Variants in PRKG1 observed in about 807,000 individuals in gnomAD.
PRKG1 encodes cGMP-dependent protein kinase 1.
In PRKG1, 35 loss-of-function variants were observed where a neutral mutation model predicts 88.1. That is an observed-to-expected ratio of 0.40 (90% CI 0.30 to 0.53). PRKG1 has a LOEUF of 0.53. Among genes scored for constraint, PRKG1 ranks in the 20% least tolerant of loss-of-function variants. The pLI, the probability that PRKG1 is intolerant of heterozygous loss-of-function variation, is 0.59. For synonymous variants in PRKG1, 303 were observed against 292.5 expected, an observed-to-expected ratio of 1.04 and a Z score of -0.37; for missense variants, 540 against 839.8, an observed-to-expected ratio of 0.64 and a Z score of 4.41.
chr10:51,660,993 C>A (rs1369024934), intron 3 of PRKG1, among the ~76,000 whole-genome samples: 1 of 151,446 alleles, frequency 6.6e-6, no homozygotes, highest in Admixed American at 6.6e-5. Context: ...ATATTAGAAT[C>A]CAAATGAGCC....
At chr10:51,051,880 G>A (rs1331402339) in intron 1 of PRKG1, among the ~76,000 whole-genome samples, 1 of 152,106 alleles carries the variant, frequency 6.6e-6, no homozygotes, top group East Asian at 1.9e-4. Flanking sequence ...AATCGATTCA[G>A]GATGATAATA....
intron 3 of PRKG1, among the ~76,000 whole-genome samples, chr10:51,533,647 C>T (rs942811103): frequency 6.9e-6 from 1 of 145,326 alleles, no homozygotes; most frequent in Non-Finnish European, 1.5e-5. Context: ...AGTTTTCAAA[C>T]ATTTACCACT....
chr10:52,038,074 T>C (rs1025935664), intron 5 of PRKG1, among the ~76,000 whole-genome samples: 2 of 152,158 alleles, frequency 1.3e-5, no homozygotes, highest in Non-Finnish European at 2.9e-5. Context: ...CAAAGTGCCA[T>C]TTTCTGGCTA....
At chr10:51,861,761 AT>A (rs1840879494) in intron 4 of PRKG1, among the ~76,000 whole-genome samples, 1 of 152,194 alleles carries the variant, frequency 6.6e-6, no homozygotes, top group Non-Finnish European at 1.5e-5. Context: ...TCAATTATAA[AT>A]TTACACAAAA....
intron 2 of PRKG1, among the ~76,000 whole-genome samples, chr10:51,274,131 G>A (rs1213648209): frequency 6.6e-6 from 1 of 152,070 alleles, no homozygotes; most frequent in Non-Finnish European, 1.5e-5. Context: ...CACCTTCCTG[G>A]TGTCATAATT....
chr10:52,194,262 C>T (rs536969508), intron 9 of PRKG1, among the ~76,000 whole-genome samples: 19 of 152,206 alleles, frequency 1.2e-4, no homozygotes, highest in South Asian at 4.1e-4. Flanking sequence ...ATTTATTAGG[C>T]CACTGCACAT....
intron 2 of PRKG1, among the ~76,000 whole-genome samples, chr10:51,154,330 G>A (rs1161305219): frequency 6.6e-6 from 1 of 151,822 alleles, no homozygotes; most frequent in Non-Finnish European, 1.5e-5. Flanking sequence ...TTGTCACAAA[G>A]GGGGTGATGT....
chr10:52,003,135 A>G (rs1844643290), intron 5 of PRKG1, among the ~76,000 whole-genome samples: 1 of 152,132 alleles, frequency 6.6e-6, no homozygotes, highest in African/African-American at 2.4e-5. Context: ...TTTATGACCA[A>G]ACTACACTGT....
chr10:51,485,970 A>G (rs1262495083), intron 3 of PRKG1, among the ~76,000 whole-genome samples: 2 of 152,176 alleles, frequency 1.3e-5, no homozygotes, highest in African/African-American at 4.8e-5. Flanking sequence ...GTCTCTTTTC[A>G]TCTCTTCATT....
At chr10:51,836,779 C>T (rs1465556329) in intron 4 of PRKG1, among the ~76,000 whole-genome samples, 1 of 152,026 alleles carries the variant, frequency 6.6e-6, no homozygotes, top group African/African-American at 2.4e-5. Flanking sequence ...AGAAGAAAAA[C>T]ATAAGTCTTT....
At chr10:52,265,461 T>G (rs1005821695) in intron 10 of PRKG1, among the ~76,000 whole-genome samples, 2 of 152,064 alleles carry the variant, frequency 1.3e-5, no homozygotes, top group African/African-American at 4.8e-5. Flanking sequence ...CAGTGCAAAA[T>G]AAGCTACGAG....
In PRKG1 at chr10:51,068,987, T is replaced by C. The variant is rs531888437; in HGVS notation, c.266+77343T>C. The stretch of plus-strand genomic sequence containing the variant: ...TTGATTTTTTTTCTTTTGGCTATTG[T>C]AAATGAGCAGCTGACTAAAGAGTAC... On this transcript the variant is annotated intron_variant, in intron 1 of 17. Coordinates refer to the PRKG1 transcript ENST00000401604. 6.6e-5 allele frequency among the ~76,000 whole-genome samples: 10 copies of C among 152,130 alleles called. No individual in the cohort carries two copies. The South Asian group carries it at 2.1e-3, about 32-fold the overall frequency.
At chr10:52,200,363 A>G (rs573396790) in intron 9 of PRKG1, among the ~76,000 whole-genome samples, 7 of 152,256 alleles carry the variant, frequency 4.6e-5, no homozygotes, top group African/African-American at 1.7e-4. Context: ...CTCCAGCTCT[A>G]TCTTTGCTGT....
chr10:51,351,818 A>G (rs1007296411), intron 2 of PRKG1, among the ~76,000 whole-genome samples: 48 of 152,112 alleles, frequency 3.2e-4, no homozygotes, highest in Non-Finnish European at 5.3e-4. Flanking sequence ...GTCTTTGCCC[A>G]TGCCTATGTC....
At chr10:51,053,523 A>G (rs909761205) in intron 1 of PRKG1, among the ~76,000 whole-genome samples, 3 of 152,196 alleles carry the variant, frequency 2.0e-5, no homozygotes, top group Non-Finnish European at 2.9e-5. Flanking sequence ...AGAGGTATAC[A>G]TGCATCACCC....
chr10:51,139,346 T>A (rs571182068), intron 1 of PRKG1, among the ~76,000 whole-genome samples: 1 of 152,290 alleles, frequency 6.6e-6, no homozygotes, highest in African/African-American at 2.4e-5. Flanking sequence ...TAGCCAATGA[T>A]TTAAAAGTAA....
At chr10:51,508,924 G>C (rs1841310340) in intron 3 of PRKG1, among the ~76,000 whole-genome samples, 1 of 152,094 alleles carries the variant, frequency 6.6e-6, no homozygotes. Flanking sequence ...ATTGATCACA[G>C]CTGACTTCAT....
At chr10:51,151,714 C>G (rs1904696) in intron 1 of PRKG1, among the ~76,000 whole-genome samples, 1 of 151,552 alleles carries the variant, frequency 6.6e-6, no homozygotes, top group Non-Finnish European at 1.5e-5. Flanking sequence ...GGCAGCATAA[C>G]GTTCCACTCT....
chr10:51,264,656 G>A (rs1275184776), intron 2 of PRKG1, among the ~76,000 whole-genome samples: 2 of 152,034 alleles, frequency 1.3e-5, no homozygotes, highest in Non-Finnish European at 1.5e-5. Context: ...AGAACTTAAT[G>A]TTTGATGGCA....
Sources: gnomAD v4.1 joint callset for allele counts (sites outside exome capture counted in the v4.1 genomes callset) on GRCh38, gnomAD v4.1.1 for gene constraint, MANE v1.5 for transcripts, NCBI Gene and HGNC (gene_info 2026-07-23, HGNC 2026-07-21) for gene names.